Variants in PPP2R5C observed in about 807,000 individuals in gnomAD.
PPP2R5C encodes the protein serine/threonine-protein phosphatase 2A 56 kDa regulatory subunit gamma isoform.
PPP2R5C carries 7 observed loss-of-function variants against 68.9 expected under a neutral mutation model. The ratio of observed to expected loss-of-function variants is 0.10; its 90% CI spans 0.06 to 0.19. The LOEUF is 0.19. Among genes scored for constraint, PPP2R5C ranks in the 10% least tolerant of loss-of-function variants. PPP2R5C has a pLI of 1.00. For missense variants in PPP2R5C, 348 were observed against 641.3 expected, an observed-to-expected ratio of 0.54 and a Z score of 4.94; for synonymous variants, 210 against 222.2, an observed-to-expected ratio of 0.95 and a Z score of 0.49.
chr14:101,787,545 C>T (rs537390191), intron 3 of PPP2R5C, among the ~76,000 whole-genome samples: 5 of 152,110 alleles, frequency 3.3e-5, no homozygotes, highest in South Asian at 2.1e-4. Flanking sequence ...GGGCGGATCA[C>T]GAGGTCAGGA....
chr14:101,785,559 C>G (rs1305377359), intron 2 of PPP2R5C, among the ~76,000 whole-genome samples: 1 of 152,178 alleles, frequency 6.6e-6, no homozygotes, highest in Non-Finnish European at 1.5e-5. Context: ...CTTCTCTTGT[C>G]TCCCTCCTGC....
chr14:101,908,148 C>G (rs2046166170), intron 10 of PPP2R5C, among the ~76,000 whole-genome samples: 2 of 152,186 alleles, frequency 1.3e-5, no homozygotes, highest in African/African-American at 4.8e-5. Context: ...CAACAATCTT[C>G]ACTTGGTTGT....
At chr14:101,923,074 C>T (rs2047101874) in intron 13 of PPP2R5C, among the ~76,000 whole-genome samples, 1 of 152,218 alleles carries the variant, frequency 6.6e-6, no homozygotes, top group Non-Finnish European at 1.5e-5. Context: ...CCCCTGCCAG[C>T]ATGTTCACCT....
In PPP2R5C at chr14:101,840,231, AT is replaced by A. The variant is rs372536677; in HGVS notation, c.95-16449del. 2.2e-3 allele frequency among the ~76,000 whole-genome samples: 332 copies of A among 151,884 alleles called. 1 individual carries two copies. The highest frequency in any genetic ancestry group is 7.9e-3 in the African/African-American group (326 of 41,426). ...TGTTTAGAGACCCTGTTGTATTTTCATTTTTTCCCCCTCTCTGGGATTTGCT... is the reference window on the plus strand; with the variant it reads ...TGTTTAGAGACCCTGTTGTATTTTCATTTTTCCCCCTCTCTGGGATTTGCT... On this transcript the variant is annotated intron_variant, in intron 1 of 13. Coordinates refer to ENST00000334743, the Ensembl canonical transcript of PPP2R5C.
chr14:101,812,936 AT>A (rs1163081091), intron 1 of PPP2R5C, among the ~76,000 whole-genome samples: 1 of 152,208 alleles, frequency 6.6e-6, no homozygotes, highest in Non-Finnish European at 1.5e-5. Context: ...GCACATCCTA[AT>A]AAGTTTGAGT....
At chr14:101,904,403 G>A (rs2045904837) in intron 9 of PPP2R5C, among the ~76,000 whole-genome samples, 1 of 152,170 alleles carries the variant, frequency 6.6e-6, no homozygotes, top group African/African-American at 2.4e-5. Flanking sequence ...ACCTGCCTCG[G>A]CCTCCCAAAG....
At chr14:101,790,327 A>G (rs1236330272) in intron 3 of PPP2R5C, among the ~76,000 whole-genome samples, 1 of 152,188 alleles carries the variant, frequency 6.6e-6, no homozygotes, top group Admixed American at 6.5e-5. Flanking sequence ...TATTTTAGCA[A>G]ATACATAGAG....
At chr14:101,809,888 A>G, upstream of PPP2R5C, 1 of 1,582,574 alleles carries the variant, frequency 6.3e-7, no homozygotes, top group Non-Finnish European at 8.6e-7. Context: ...TTAAACTAAA[A>G]TGGAGGCTGG....
At chr14:101,892,699 C>A (rs1566946248) in intron 6 of PPP2R5C, among the ~76,000 whole-genome samples, 1 of 152,054 alleles carries the variant, frequency 6.6e-6, no homozygotes, top group Non-Finnish European at 1.5e-5. Context: ...GGGACCGGAG[C>A]ACTATATGAA....
intron 2 of PPP2R5C, among the ~76,000 whole-genome samples, chr14:101,859,266 C>T (rs1301664107): frequency 2.6e-5 from 4 of 152,208 alleles, no homozygotes; most frequent in Admixed American, 1.3e-4. Flanking sequence ...TTTTAGATTA[C>T]GGTGATGCCG....
intron 2 of PPP2R5C, among the ~76,000 whole-genome samples, chr14:101,764,038 C>CGCGCGCGCGCGCGCGT (rs140548459): frequency 2.6e-5 from 4 of 151,934 alleles, no homozygotes; most frequent in African/African-American, 9.7e-5. Flanking sequence ...TGGGCGCGCG[C>CGCGCGCGCGCGCGCGT]ACTTGCGCGT....
chr14:101,770,690 G>A (rs1450597829), intron 2 of PPP2R5C, among the ~76,000 whole-genome samples: 1 of 152,210 alleles, frequency 6.6e-6, no homozygotes, highest in African/African-American at 2.4e-5. Flanking sequence ...TCTAGAAAGA[G>A]CTCATCAAGC....
At chr14:101,865,766 C>T (rs997532180) in intron 2 of PPP2R5C, among the ~76,000 whole-genome samples, 3 of 152,162 alleles carry the variant, frequency 2.0e-5, no homozygotes, top group African/African-American at 4.8e-5. Context: ...TCAGTGTCCT[C>T]GGAAGTGGCC....
chr14:101,857,900 C>T (rs1438945809), intron 2 of PPP2R5C, among the ~76,000 whole-genome samples: 2 of 152,114 alleles, frequency 1.3e-5, no homozygotes, highest in Non-Finnish European at 2.9e-5. Flanking sequence ...ACCTAAAATA[C>T]TTTTATTTCC....
At position 101,913,276 on chromosome 14, in the gene PPP2R5C, A is replaced by G. The variant is rs1455857137; in HGVS notation, c.1326+803A>G. Among the ~76,000 whole-genome samples the G allele has an allele frequency of 6.6e-6, 1 of 152,244 alleles. No individual in the cohort carries two copies. Among genetic ancestry groups the G allele is most frequent in the Non-Finnish European group, 1.5e-5 (1 of 68,040 alleles). On this transcript the variant is annotated intron_variant, in intron 12 of 13. Transcript: ENST00000334743. This position sits in a 1 kb window ranked among gnomAD's most constrained non-coding sequence, Gnocchi z 4.1. ...TTCTCAAGCTTTCCTTCAACTCTCC[A>G]GAAAAGATTTTACCGAACAATGTAT... is the stretch of plus-strand genomic sequence containing the variant.
chr14:101,837,374 C>T (rs539068019), intron 1 of PPP2R5C, among the ~76,000 whole-genome samples: 18 of 152,176 alleles, frequency 1.2e-4, no homozygotes, highest in African/African-American at 3.9e-4. Context: ...CCTCAACTCC[C>T]GATCTCAGGT....
intron 12 of PPP2R5C, chr14:101,912,709 C>T (rs1287594389): frequency 2.3e-6 from 2 of 859,684 alleles, no homozygotes; most frequent in Non-Finnish European, 3.1e-6. Context: ...TAAATAAGAT[C>T]TGAATCTTAT....
At chr14:101,904,171 T>C (rs1225001440) in intron 9 of PPP2R5C, among the ~76,000 whole-genome samples, 1 of 152,120 alleles carries the variant, frequency 6.6e-6, no homozygotes, top group Non-Finnish European at 1.5e-5. Context: ...GTTTGTTTTC[T>C]TTTTAGACAA....
At chr14:101,778,314 C>G (rs551368634) in intron 2 of PPP2R5C, among the ~76,000 whole-genome samples, 228 of 152,252 alleles carry the variant, frequency 1.5e-3, no homozygotes, top group African/African-American at 5.4e-3. Context: ...ATTCTGGATA[C>G]TAGACCCTTA....
Sources: gnomAD v4.1 joint callset for allele counts (sites outside exome capture counted in the v4.1 genomes callset) on GRCh38, gnomAD v4.1.1 for gene constraint, Gnocchi (gnomAD v3.1) non-coding constraint, MANE v1.5 for transcripts, NCBI Gene and HGNC (gene_info 2026-07-23, HGNC 2026-07-21) for gene names.